TAFA1: variants seen among roughly 807,000 people sequenced by gnomAD.
The protein encoded by TAFA1 is TAFA chemokine like family member 1.
TAFA1 carries 4 observed loss-of-function variants against 18.5 expected under a neutral mutation model. That is an observed-to-expected ratio of 0.22 (90% CI 0.11 to 0.49). The LOEUF is 0.49. TAFA1 is among the 20% of genes least tolerant of loss of function. The pLI is 0.98. For synonymous variants in TAFA1, 56 were observed against 55.2 expected (o/e 1.01, Z -0.06); for missense variants, 147 against 169.0 (o/e 0.87, Z 0.72).
intron 2 of TAFA1, among the ~76,000 whole-genome samples, chr3:68,058,896 A>G (rs2106720625): frequency 6.6e-6 from 1 of 152,278 alleles, no homozygotes; most frequent in African/African-American, 2.4e-5. Context: ...GGCAAGGCAA[A>G]AAAGGGTTGT....
At chr3:68,326,246 A>G (rs1363348165) in intron 2 of TAFA1, among the ~76,000 whole-genome samples, 2 of 152,222 alleles carry the variant, frequency 1.3e-5, no homozygotes. Context: ...CTATTATTGA[A>G]CAAAACCAAC....
At chr3:68,489,932 T>G (rs2072419113) in intron 3 of TAFA1, among the ~76,000 whole-genome samples, 1 of 152,194 alleles carries the variant, frequency 6.6e-6, no homozygotes, top group Non-Finnish European at 1.5e-5. Context: ...TCTTTTTTAC[T>G]TAAATGAAAA....
At chr3:68,335,401 A>C (rs528334807) in intron 2 of TAFA1, among the ~76,000 whole-genome samples, 1 of 152,266 alleles carries the variant, frequency 6.6e-6, no homozygotes, top group African/African-American at 2.4e-5. Flanking sequence ...CCTCTGGGAA[A>C]TAGCAATGAA....
chr3:68,382,578 G>A (rs1262710111), intron 2 of TAFA1, among the ~76,000 whole-genome samples: 1 of 152,030 alleles, frequency 6.6e-6, no homozygotes, highest in Admixed American at 6.6e-5. Flanking sequence ...ATTTGTCTAT[G>A]TCTCTGTTTT....
At chr3:68,013,679 G>A (rs2106782313) in intron 2 of TAFA1, among the ~76,000 whole-genome samples, 1 of 152,130 alleles carries the variant, frequency 6.6e-6, no homozygotes, top group Non-Finnish European at 1.5e-5. Flanking sequence ...CCTTTCTTTG[G>A]GAATAAAGAG....
intron 2 of TAFA1, among the ~76,000 whole-genome samples, chr3:68,078,660 C>A (rs918014305): frequency 1.2e-4 from 19 of 152,066 alleles, no homozygotes; most frequent in African/African-American, 4.3e-4. Flanking sequence ...AGGGATGAAG[C>A]CCACTTGATC....
At chr3:68,491,497 A>G (rs1424115888) in intron 3 of TAFA1, among the ~76,000 whole-genome samples, 2 of 132,452 alleles carry the variant, frequency 1.5e-5, no homozygotes, top group African/African-American at 5.7e-5. Context: ...CAATGAGAAC[A>G]CATGGACACA....
chr3:68,409,507 T>A (rs1175950053), intron 2 of TAFA1, among the ~76,000 whole-genome samples: 2 of 152,160 alleles, frequency 1.3e-5, no homozygotes, highest in African/African-American at 4.8e-5. Context: ...GCCACATTTT[T>A]AAGAAGGTAC....
intron 2 of TAFA1, among the ~76,000 whole-genome samples, chr3:68,281,363 G>A (rs1364564092): frequency 2.0e-5 from 3 of 151,522 alleles, no homozygotes; most frequent in Non-Finnish European, 2.9e-5. Context: ...TTTATTTTCA[G>A]TGTTTTAAAA....
chr3:68,523,175 A>G (rs542172141), intron 3 of TAFA1, among the ~76,000 whole-genome samples: 17 of 152,338 alleles, frequency 1.1e-4, no homozygotes, highest in African/African-American at 4.1e-4. Flanking sequence ...GGCAGGGACT[A>G]TGGCAAACTG....
At chr3:68,177,384 G>GA (rs1479324791) in intron 2 of TAFA1, among the ~76,000 whole-genome samples, 1 of 152,114 alleles carries the variant, frequency 6.6e-6, no homozygotes, top group Non-Finnish European at 1.5e-5. Flanking sequence ...TGGCTAAAGA[G>GA]AAAACCTCAC....
intron 2 of TAFA1, among the ~76,000 whole-genome samples, chr3:68,384,566 A>G (rs2070049542): frequency 6.6e-6 from 1 of 152,092 alleles, no homozygotes; most frequent in Admixed American, 6.6e-5. Context: ...GCATTTGCTG[A>G]AAAGTGTTTT....
At chr3:68,069,745 G>A (rs1050879780) in intron 2 of TAFA1, among the ~76,000 whole-genome samples, 4 of 152,224 alleles carry the variant, frequency 2.6e-5, no homozygotes, top group Non-Finnish European at 5.9e-5. Flanking sequence ...GGTAAATACA[G>A]CCATTCTAAA....
chr3:68,363,924 G>A (rs2069520395), intron 2 of TAFA1, among the ~76,000 whole-genome samples: 1 of 152,130 alleles, frequency 6.6e-6, no homozygotes. Context: ...GTGTCTCAGG[G>A]GTCACATTGT....
chr3:68,151,249 T>C (rs947966238), intron 2 of TAFA1, among the ~76,000 whole-genome samples: 12 of 152,180 alleles, frequency 7.9e-5, no homozygotes, highest in African/African-American at 2.7e-4. Context: ...TACTCACTTA[T>C]GTATTTAAGC....
chr3:68,010,109 G>C (rs549599394), intron 2 of TAFA1, among the ~76,000 whole-genome samples: 1 of 152,294 alleles, frequency 6.6e-6, no homozygotes, highest in African/African-American at 2.4e-5. Context: ...TGCATACCAA[G>C]TATCTGGGAA....
At chr3:68,143,317 A>C (rs1014245725) in intron 2 of TAFA1, among the ~76,000 whole-genome samples, 4 of 152,160 alleles carry the variant, frequency 2.6e-5, no homozygotes, top group Non-Finnish European at 2.9e-5. Context: ...CACATACAAA[A>C]AATGGGTACT....
At chr3:68,047,841 T>C (rs533219465) in intron 2 of TAFA1, among the ~76,000 whole-genome samples, 1 of 152,224 alleles carries the variant, frequency 6.6e-6, no homozygotes, top group South Asian at 2.1e-4. Context: ...TGTAGAGACT[T>C]CAGAAATTTT....
At chr3:68,295,524 C>A (rs4516615) in intron 2 of TAFA1, among the ~76,000 whole-genome samples, 1 of 152,022 alleles carries the variant, frequency 6.6e-6, no homozygotes, top group South Asian at 2.1e-4. Context: ...ACACAAAATT[C>A]TCAAGCCTAT....
Sources: allele counts gnomAD v4.1 joint callset (sites outside exome capture counted in the v4.1 genomes callset), GRCh38; gene constraint gnomAD v4.1.1; transcripts MANE v1.5; gene names NCBI Gene and HGNC (gene_info 2026-07-23, HGNC 2026-07-21).